UTRN: variants seen among roughly 807,000 people sequenced by gnomAD.
The protein encoded by UTRN is utrophin.
A neutral mutation model predicts 463.9 loss-of-function variants in UTRN; 283 were observed. The ratio of observed to expected loss-of-function variants is 0.61; its 90% CI spans 0.55 to 0.67. The LOEUF (loss-of-function observed/expected upper bound fraction) is 0.67, where lower values mean the gene tolerates loss of function less well. Among genes scored for constraint, UTRN ranks in the 30% least tolerant of loss-of-function variants. UTRN has a pLI of 0.00. For missense variants in UTRN, 3,922 were observed against 4,084.3 expected (o/e 0.96, Z 1.08); for synonymous variants, 1,442 against 1,431.5 (o/e 1.01, Z -0.17).
At chr6:144,569,082 A>T (rs537736122) in intron 50 of UTRN, among the ~76,000 whole-genome samples, 5 of 152,250 alleles carry the variant, frequency 3.3e-5, no homozygotes, top group African/African-American at 1.2e-4. Flanking sequence ...AAATCTTGTA[A>T]TATTGAGTAT....
chr6:144,765,006 C>G (rs1411393415), intron 58 of UTRN, among the ~76,000 whole-genome samples: 1 of 148,506 alleles, frequency 6.7e-6, no homozygotes, highest in Non-Finnish European at 1.5e-5. Flanking sequence ...GGCTGATGGT[C>G]TGAATCTCCC....
intron 55 of UTRN, among the ~76,000 whole-genome samples, chr6:144,749,733 T>C (rs890895837): frequency 6.6e-6 from 1 of 152,202 alleles, no homozygotes; most frequent in Non-Finnish European, 1.5e-5. Context: ...ACCTTGTTTG[T>C]CAAAGCTTTT....
intron 46 of UTRN, 74 bp from the exon 47 acceptor site, chr6:144,548,566 C>T (rs186447919): frequency 6.6e-6 from 9 of 1,372,818 alleles, no homozygotes; most frequent in East Asian, 4.7e-5. Flanking sequence ...TACACATACA[C>T]GTGTCACCAT....
At chr6:144,635,077 C>A (rs1776963553) in intron 51 of UTRN, among the ~76,000 whole-genome samples, 1 of 149,912 alleles carries the variant, frequency 6.7e-6, no homozygotes, top group Non-Finnish European at 1.5e-5. Context: ...GGAATATTGT[C>A]ACCTAGTATG....
chr6:144,797,564 G>T (rs572259690), intron 63 of UTRN, among the ~76,000 whole-genome samples: 1 of 152,232 alleles, frequency 6.6e-6, no homozygotes, highest in Admixed American at 6.5e-5. Context: ...TTTTGCTTTT[G>T]TTTCTTTCAA....
chr6:144,446,769 C>T lies in UTRN; in HGVS notation c.1615-442C>T, dbSNP rs144673203. 2.3e-3 allele frequency among the ~76,000 whole-genome samples: 358 copies of T among 152,350 alleles called. 5 individuals carry two copies. Among genetic ancestry groups the T allele is most frequent in the African/African-American group, 8.3e-3 (343 of 41,572 alleles). ...CTGGTTTTGGGGTGTGGACCCTGGA[C>T]CCAGCTCTGCCATTAACTATCCAAG... On this transcript the variant is annotated intron_variant, in intron 14 of 74. Coordinates refer to ENST00000367545, the MANE Select transcript of UTRN (RefSeq NM_007124.3).
chr6:144,410,079 G>GA (rs1783752121), intron 3 of UTRN, among the ~76,000 whole-genome samples: 1 of 152,096 alleles, frequency 6.6e-6, no homozygotes, highest in Non-Finnish European at 1.5e-5. Flanking sequence ...AAAAACTGGA[G>GA]ACTGGATTTA....
chr6:144,440,290 T>G, intron 12 of UTRN, 62 bp from the exon 13 acceptor site: 1 of 1,568,034 alleles, frequency 6.4e-7, no homozygotes, highest in Non-Finnish European at 8.8e-7. Flanking sequence ...GACAACTGAG[T>G]GCGTTTTAAA....
intron 51 of UTRN, among the ~76,000 whole-genome samples, chr6:144,577,686 GT>G (rs1181548759): frequency 6.6e-6 from 1 of 152,072 alleles, no homozygotes; most frequent in Admixed American, 6.6e-5. Flanking sequence ...CTATGGCTTA[GT>G]TTATAACTAA....
chr6:144,437,953 T>C (rs1786748653), intron 11 of UTRN, among the ~76,000 whole-genome samples: 1 of 152,194 alleles, frequency 6.6e-6, no homozygotes, highest in South Asian at 2.1e-4. Flanking sequence ...AGATAAAAGT[T>C]GGAATACAGA....
chr6:144,422,320 T>A (rs538962797), intron 4 of UTRN, among the ~76,000 whole-genome samples: 14 of 152,304 alleles, frequency 9.2e-5, no homozygotes, highest in African/African-American at 3.4e-4. Flanking sequence ...AAATATTTTT[T>A]AAAACAGTTG....
chr6:144,647,574 T>A (rs1192128910), intron 51 of UTRN, among the ~76,000 whole-genome samples: 1 of 152,244 alleles, frequency 6.6e-6, no homozygotes, highest in African/African-American at 2.4e-5. Context: ...AAGACGTCAT[T>A]ACTAGACAGA....
chr6:144,292,685 C>T (rs1804352622), intron 2 of UTRN, among the ~76,000 whole-genome samples: 1 of 152,120 alleles, frequency 6.6e-6, no homozygotes, highest in African/African-American at 2.4e-5. Context: ...CACTTCTCAG[C>T]CTTGAAAATT....
intron 51 of UTRN, among the ~76,000 whole-genome samples, chr6:144,620,704 G>A (rs1036031533): frequency 4.6e-5 from 7 of 152,056 alleles, no homozygotes; most frequent in African/African-American, 1.7e-4. Flanking sequence ...ACCTGTTATA[G>A]ACAAACTCTT....
intron 32 of UTRN, 142 bp downstream of exon 32, chr6:144,491,244 T>TA: frequency 1.3e-6 from 1 of 790,846 alleles, no homozygotes; most frequent in Non-Finnish European, 1.8e-6. Flanking sequence ...GAAAACGTGT[T>TA]AAAAAATAAG....
chr6:144,651,047 G>T (rs1254222835), intron 51 of UTRN, among the ~76,000 whole-genome samples: 2 of 151,798 alleles, frequency 1.3e-5, no homozygotes, highest in South Asian at 2.1e-4. Context: ...AAAAAATGAA[G>T]AAATATTTTA....
intron 37 of UTRN, 149 bp from the exon 38 acceptor site, chr6:144,516,080 A>G (rs762518030): frequency 1.7e-4 from 130 of 760,384 alleles, no homozygotes; most frequent in Non-Finnish European, 2.4e-4. Context: ...AATCATTGCC[A>G]TATAAATGAA....
intron 2 of UTRN, among the ~76,000 whole-genome samples, chr6:144,323,009 C>A (rs6916795): frequency 0.11 from 16,149 of 151,554 alleles, 2,539 homozygotes; most frequent in African/African-American, 0.33. Flanking sequence ...TGCTTTGTAC[C>A]TGGGGACTCC....
At chr6:144,433,320 C>CT (rs1352114817) in intron 9 of UTRN, among the ~76,000 whole-genome samples, 7 of 146,030 alleles carry the variant, frequency 4.8e-5, no homozygotes, top group African/African-American at 1.7e-4. Context: ...GGGGGCTGAA[C>CT]CCCCCACCTC....
Sources: gnomAD v4.1 joint callset for allele counts (sites outside exome capture counted in the v4.1 genomes callset) on GRCh38, gnomAD v4.1.1 for gene constraint, MANE v1.5 for transcripts, NCBI Gene and HGNC (gene_info 2026-07-23, HGNC 2026-07-21) for gene names.